The following EBF2 variants were observed in gnomAD, a reference collection of about 807,000 sequenced individuals.
EBF2 encodes the protein transcription factor COE2.
In EBF2, 21 loss-of-function variants were observed where a neutral mutation model predicts 72.8. The observed-to-expected ratio is 0.29, with a 90% confidence interval of 0.20 to 0.42. EBF2 has a LOEUF of 0.42. EBF2 is among the 10% of genes least tolerant of loss of function. The probability of loss-of-function intolerance (pLI) is 1.00; values close to 1 mark genes in which losing one functional copy is unlikely to be tolerated. For missense variants in EBF2, 637 were observed against 731.2 expected (o/e 0.87, Z 1.49); for synonymous variants, 299 against 274.2 (o/e 1.09, Z -0.89).
intron 6 of EBF2, among the ~76,000 whole-genome samples, chr8:25,909,090 A>G (rs531803364): frequency 6.6e-4 from 100 of 152,328 alleles, no homozygotes; most frequent in African/African-American, 2.2e-3. Flanking sequence ...CTGTGCAGGT[A>G]TATGCCAGAG....
rs753001576 is a variant in EBF2 at position 26,039,167 on chromosome 8, C to G, written c.482+861G>C. ...CAACCGATACCGGGCACACGTTAGG[C>G]ACTCAATAAACATTTGTTGAAAGAA... On this transcript the variant is annotated intron_variant, in intron 5 of 15. Transcript: ENST00000520164. Among the ~76,000 whole-genome samples the G allele has an allele frequency of 2.0e-5, 3 of 151,908 alleles. No individual in the cohort carries two copies. The East Asian group carries it at 5.8e-4, about 29-fold the overall frequency.
At chr8:26,033,449 T>G (rs952430809) in intron 5 of EBF2, among the ~76,000 whole-genome samples, 1 of 152,194 alleles carries the variant, frequency 6.6e-6, no homozygotes, top group Non-Finnish European at 1.5e-5. Context: ...AGGCTGGTCT[T>G]GAACTCCTGA....
chr8:25,969,638 G>A (rs1000889293), intron 6 of EBF2, among the ~76,000 whole-genome samples: 1 of 152,168 alleles, frequency 6.6e-6, no homozygotes, highest in Admixed American at 6.5e-5. Flanking sequence ...TAAATTTATC[G>A]TTGTATTATT....
intron 6 of EBF2, among the ~76,000 whole-genome samples, chr8:25,961,519 C>T (rs1388588415): frequency 1.3e-5 from 2 of 152,210 alleles, no homozygotes; most frequent in African/African-American, 2.4e-5. Context: ...CCCGCCACCA[C>T]GCCCTGCTAA....
chr8:25,966,594 A>G (rs572465061), intron 6 of EBF2, among the ~76,000 whole-genome samples: 1 of 152,338 alleles, frequency 6.6e-6, no homozygotes, highest in East Asian at 1.9e-4. Flanking sequence ...GAGGTTTCTG[A>G]ACTGTCTTTA....
rs28572064 is a variant in EBF2, at chr8:25,932,946, C to A, written c.552-24391G>T. On this transcript the variant is annotated intron_variant, in intron 6 of 15. Coordinates refer to ENST00000520164, the MANE Select transcript of EBF2 (RefSeq NM_022659.4). ...AATAACACATAAAGAAGGTCTGTAT[C>A]CACTGTTGCAAAATTATTTGAATAC... is the stretch of plus-strand genomic sequence containing the variant. Among the ~76,000 whole-genome samples the A allele has an allele frequency of 6.0e-3, 917 of 152,120 alleles. 12 individuals carry two copies. Among genetic ancestry groups the A allele is most frequent in the African/African-American group, 0.02 (824 of 41,482 alleles).
chr8:26,036,693 T>G (rs936634663), intron 5 of EBF2, among the ~76,000 whole-genome samples: 7 of 151,304 alleles, frequency 4.6e-5, no homozygotes, highest in Non-Finnish European at 8.9e-5. Context: ...CCCCAAACAG[T>G]GTGGAACAGC....
At chr8:25,873,090 C>G (rs990943025) in intron 10 of EBF2, among the ~76,000 whole-genome samples, 1 of 152,196 alleles carries the variant, frequency 6.6e-6, no homozygotes, top group Non-Finnish European at 1.5e-5. Context: ...CTGCCCTATT[C>G]CTCATGTGTC....
chr8:25,997,031 G>A (rs781600415), intron 6 of EBF2, among the ~76,000 whole-genome samples: 22 of 152,076 alleles, frequency 1.4e-4, no homozygotes, highest in Non-Finnish European at 2.4e-4. Context: ...GTTTTATTAA[G>A]CAGCCTATGA....
At chr8:25,848,594 G>C (rs1357081617) in intron 15 of EBF2, among the ~76,000 whole-genome samples, 1 of 152,224 alleles carries the variant, frequency 6.6e-6, no homozygotes, top group Non-Finnish European at 1.5e-5. Context: ...TGTAGGCTCA[G>C]AGCCAGGTAA....
intron 10 of EBF2, among the ~76,000 whole-genome samples, chr8:25,872,801 TAAC>T (rs1802462681): frequency 6.6e-6 from 1 of 152,186 alleles, no homozygotes. Flanking sequence ...AAACATGCTT[TAAC>T]AATACCTGCC....
intron 6 of EBF2, among the ~76,000 whole-genome samples, chr8:25,921,057 T>C (rs1246322721): frequency 1.4e-5 from 2 of 140,690 alleles, no homozygotes; most frequent in Admixed American, 1.5e-4. Context: ...ACATTTACAG[T>C]ACATATAACC....
intron 6 of EBF2, among the ~76,000 whole-genome samples, chr8:26,028,867 G>A (rs1239199565): frequency 6.6e-6 from 1 of 152,152 alleles, no homozygotes; most frequent in African/African-American, 2.4e-5. Flanking sequence ...GGGGACTTTG[G>A]ATTTCTACAC....
chr8:25,959,404 C>A (rs556668422), intron 6 of EBF2, among the ~76,000 whole-genome samples: 30 of 152,094 alleles, frequency 2.0e-4, no homozygotes, highest in Admixed American at 3.9e-4. Context: ...AGGATTTCAC[C>A]AAGTTCGTCA....
At chr8:25,968,805 G>C (rs1043800401) in intron 6 of EBF2, among the ~76,000 whole-genome samples, 6 of 152,102 alleles carry the variant, frequency 3.9e-5, no homozygotes, top group African/African-American at 1.2e-4. Context: ...TGATATGCCC[G>C]CCTAGGCCTC....
chr8:25,870,300 G>T (rs4288386), intron 10 of EBF2, among the ~76,000 whole-genome samples: 80,318 of 151,506 alleles, frequency 0.53, 24,482 homozygotes, highest in African/African-American at 0.84. Context: ...GCAGATTTTC[G>T]TAGAGAAAAC....
intron 6 of EBF2, among the ~76,000 whole-genome samples, chr8:26,014,770 A>G (rs1317734728): frequency 1.3e-5 from 2 of 152,196 alleles, no homozygotes; most frequent in African/African-American, 4.8e-5. Flanking sequence ...TTATAGGTTG[A>G]CATATTTCCC....
At chr8:26,032,515 CA>C (rs1805426249) in intron 6 of EBF2, 1 of 152,132 alleles carries the variant, frequency 6.6e-6, no homozygotes, top group Non-Finnish European at 1.5e-5. Context: ...TCACAAAAAA[CA>C]GACAGCTGAG....
At chr8:25,941,619 ACTC>A (rs1365859942) in intron 6 of EBF2, among the ~76,000 whole-genome samples, 4 of 151,786 alleles carry the variant, frequency 2.6e-5, no homozygotes, top group Non-Finnish European at 5.9e-5. Flanking sequence ...GGGAACCATG[ACTC>A]CTCCTCCATC....
Sources: gnomAD v4.1 joint callset for allele counts (sites outside exome capture counted in the v4.1 genomes callset) on GRCh38, gnomAD v4.1.1 for gene constraint, MANE v1.5 for transcripts, NCBI Gene and HGNC (gene_info 2026-07-23, HGNC 2026-07-21) for gene names.